The following NSD1 variants were observed in gnomAD, a reference collection of about 807,000 sequenced individuals.
NSD1 encodes histone-lysine N-methyltransferase, H3 lysine-36 specific.
Under a neutral mutation model 242.7 loss-of-function variants are expected in NSD1, and 26 were observed. The observed-to-expected ratio is 0.11, with a 90% CI of 0.08 to 0.15. The LOEUF (loss-of-function observed/expected upper bound fraction) is 0.15, where lower values mean the gene tolerates loss of function less well. NSD1 is among the 10% of genes least tolerant of loss of function. NSD1 has a pLI of 1.00. For synonymous variants in NSD1, 1,106 were observed against 1,178.1 expected (o/e 0.94, Z 1.25); for missense variants, 2,495 against 3,272.8 (o/e 0.76, Z 5.80).
intron 5 of NSD1, among the ~76,000 whole-genome samples, chr5:177,230,997 T>A (rs774127715): frequency 1.3e-5 from 2 of 151,958 alleles, no homozygotes; most frequent in Non-Finnish European, 2.9e-5. Context: ...TAATGAAAAA[T>A]GTTCATGGGG....
rs536725576 is a variant in NSD1 at position 177,278,174 on chromosome 5, G to A, written c.5623-2391G>A. Among the ~76,000 whole-genome samples, 8 of 152,252 alleles carry A rather than the reference G, an allele frequency of 5.3e-5. No individual in the cohort carries two copies. In the South Asian group the frequency reaches 8.3e-4, roughly 16 times the overall value. On this transcript the variant is annotated intron_variant, in intron 17 of 22. Transcript: ENST00000439151. ...TGAGACCTACATCCATTTTCCCCAC[G>A]GACAGCATCTTGCTGGAGTGTCTTG...
intron 8 of NSD1, among the ~76,000 whole-genome samples, chr5:177,242,772 G>T (rs1284281050): frequency 6.6e-6 from 1 of 152,016 alleles, no homozygotes; most frequent in Non-Finnish European, 1.5e-5. Flanking sequence ...CAGGTGATCC[G>T]CCTGCCTCGG....
chr5:177,222,314 A>G (rs1160674123), intron 5 of NSD1, among the ~76,000 whole-genome samples: 2 of 152,106 alleles, frequency 1.3e-5, no homozygotes, highest in Non-Finnish European at 2.9e-5. Context: ...TTCTTAGTAG[A>G]GGCAGAGTTT....
intron 14 of NSD1, among the ~76,000 whole-genome samples, chr5:177,262,144 T>C (rs558517809): frequency 6.6e-6 from 1 of 152,292 alleles, no homozygotes; most frequent in South Asian, 2.1e-4. Flanking sequence ...GTTTAAATGG[T>C]CTCTGGTCTC....
In NSD1 at chr5:177,295,398, C is replaced by T; in HGVS notation, c.8030C>T (p.Thr2677Ile). 2 of 1,614,222 alleles carry T rather than the reference C, an allele frequency of 1.2e-6. No individual in the cohort carries two copies. Among genetic ancestry groups the T allele is most frequent in the South Asian group, 1.1e-5 (1 of 91,088 alleles). The change falls in exon 23 of 23, where the codon ACA becomes ATA. Residue 2677 changes from threonine (T) to isoleucine (I), a missense_variant. Thr to Ile is a moderately conservative substitution (Grantham distance 89). Around this residue, in one of 19 missense-constraint regions of NSD1, gnomAD observed 475 missense variants for 563.7 expected, o/e 0.84. Coordinates refer to ENST00000439151, the MANE Select transcript of NSD1 (RefSeq NM_022455.5). This position sits in a 1 kb window ranked among gnomAD's most constrained non-coding sequence, Gnocchi z 4.3. ...CAAGACCCCAAACCAGAGCAAAATA[C>T]ACTTCCAGCTCTTAACCAGGCTCCT... ...RGQDPKPEQN[T>I]LPALNQAPSS...
intron 20 of NSD1, 88 bp from the exon 21 acceptor site, chr5:177,288,731 C>A (rs562652149): frequency 5.4e-6 from 5 of 926,528 alleles, no homozygotes; most frequent in Non-Finnish European, 9.0e-6. Flanking sequence ...TTAATCTGTT[C>A]TCTTGGGAGT....
intron 2 of NSD1, among the ~76,000 whole-genome samples, chr5:177,142,099 G>T (rs2149765091): frequency 6.6e-6 from 1 of 152,292 alleles, no homozygotes; most frequent in Middle Eastern, 3.4e-3. Flanking sequence ...TTCCCAAAGT[G>T]CTGGGATTAC....
intron 2 of NSD1, among the ~76,000 whole-genome samples, chr5:177,183,844 A>G (rs1175070507): frequency 6.6e-6 from 1 of 151,916 alleles, no homozygotes; most frequent in African/African-American, 2.4e-5. Context: ...CATGAGTTCT[A>G]TTGTTTTAAT....
At chr5:177,219,182 A>T (rs887811470) in intron 5 of NSD1, among the ~76,000 whole-genome samples, 1 of 149,788 alleles carries the variant, frequency 6.7e-6, no homozygotes, top group Non-Finnish European at 1.5e-5. Context: ...GCTGCATCCC[A>T]TAAGTTTTGT....
rs2149887392 is a variant in NSD1, at chr5:177,238,339, C to T, written c.4024C>T (p.Pro1342Ser). The change falls in exon 7 of 23, where the codon CCT (proline) becomes TCT (serine). Residue 1342 changes from proline to serine, a missense_variant. This residue lies in a region of NSD1 where 100 missense variants were observed against 190.7 expected (regional missense o/e 0.52). Transcript: ENST00000439151. This position sits in a 1 kb window ranked among gnomAD's most constrained non-coding sequence, Gnocchi z 4.6. ...TTCTTTGATTTCAACCAAAGAAGAG[C>T]CTCCAGTTCTTGAAAGGGAGGCTCC... ...ENSLISTKEEPPVLEREAPFL... is the reference protein window; with the variant it reads ...ENSLISTKEESPVLEREAPFL... 6.2e-7 allele frequency: 1 copy of T among 1,614,026 alleles called. No individual in the cohort carries two copies. Among genetic ancestry groups the T allele is most frequent in the Non-Finnish European group, 8.5e-7 (1 of 1,179,956 alleles).
At chr5:177,224,483 G>A (rs1262262970) in intron 5 of NSD1, among the ~76,000 whole-genome samples, 3 of 151,396 alleles carry the variant, frequency 2.0e-5, no homozygotes, top group Non-Finnish European at 4.4e-5. Flanking sequence ...TGAAAATTTT[G>A]TATATTATTT....
intron 3 of NSD1, among the ~76,000 whole-genome samples, chr5:177,202,706 T>A (rs1322934620): frequency 6.6e-6 from 1 of 151,940 alleles, no homozygotes; most frequent in Non-Finnish European, 1.5e-5. Context: ...CATGGGAGAG[T>A]GATTTAATTC....
intron 13 of NSD1, among the ~76,000 whole-genome samples, chr5:177,258,867 A>C (rs1756757987): frequency 6.6e-6 from 1 of 151,114 alleles, no homozygotes; most frequent in South Asian, 2.1e-4. Context: ...TTTTGTTTTA[A>C]AACAGGAGGT....
At chr5:177,223,538 A>C (rs1441970339) in intron 5 of NSD1, among the ~76,000 whole-genome samples, 2 of 151,708 alleles carry the variant, frequency 1.3e-5, no homozygotes, top group East Asian at 3.9e-4. Flanking sequence ...GTGCCATAGC[A>C]CTCTACCCTG....
At chr5:177,150,861 A>G (rs1354119637) in intron 2 of NSD1, among the ~76,000 whole-genome samples, 3 of 152,206 alleles carry the variant, frequency 2.0e-5, no homozygotes, top group East Asian at 1.9e-4. Context: ...AGTTGTGTCT[A>G]TACCCAGTGA....
chr5:177,272,899 G>A (rs930774320), intron 16 of NSD1, among the ~76,000 whole-genome samples: 5 of 151,980 alleles, frequency 3.3e-5, no homozygotes, highest in Non-Finnish European at 7.4e-5. Flanking sequence ...AATAAAGTAC[G>A]GTACTTGAGT....
intron 2 of NSD1, among the ~76,000 whole-genome samples, chr5:177,158,703 T>C (rs1015853988): frequency 6.6e-6 from 1 of 150,630 alleles, no homozygotes; most frequent in African/African-American, 2.5e-5. Context: ...TAGCCTGTAA[T>C]CCCAGCTACT....
intron 13 of NSD1, among the ~76,000 whole-genome samples, chr5:177,259,719 G>A (rs2149917236): frequency 6.6e-6 from 1 of 152,248 alleles, no homozygotes; most frequent in South Asian, 2.1e-4. Flanking sequence ...TGATTTCCTA[G>A]TTGTCAGGAC....
intron 2 of NSD1, among the ~76,000 whole-genome samples, chr5:177,163,457 A>T (rs1758923764): frequency 6.6e-6 from 1 of 152,124 alleles, no homozygotes; most frequent in African/African-American, 2.4e-5. Context: ...TTTCTTACGT[A>T]GAAAGGCAGC....
Sources: allele counts gnomAD v4.1 joint callset (sites outside exome capture counted in the v4.1 genomes callset), GRCh38; gene constraint gnomAD v4.1.1; regional missense constraint gnomAD v4.1.1; non-coding constraint Gnocchi (gnomAD v3.1); transcripts MANE v1.5; gene names NCBI Gene and HGNC (gene_info 2026-07-23, HGNC 2026-07-21).